MACROD2: variants seen among roughly 807,000 people sequenced by gnomAD.
The protein encoded by MACROD2 is ADP-ribose glycohydrolase MACROD2.
Under a neutral mutation model 70.4 loss-of-function variants are expected in MACROD2, and 36 were observed. The observed-to-expected ratio is 0.51, with a 90% CI of 0.39 to 0.68. MACROD2 has a LOEUF of 0.68. MACROD2 is among the 30% of genes least tolerant of loss of function. The pLI is 0.00. For missense variants in MACROD2, 496 were observed against 538.4 expected (o/e 0.92, Z 0.78); for synonymous variants, 172 against 178.8 (o/e 0.96, Z 0.30).
At chr20:15,998,027 T>A (rs2147497071) in intron 15 of MACROD2, among the ~76,000 whole-genome samples, 1 of 152,382 alleles carries the variant, frequency 6.6e-6, no homozygotes, top group Admixed American at 6.5e-5. Flanking sequence ...TGAACCATCC[T>A]TGAATTCCAG....
intron 8 of MACROD2, among the ~76,000 whole-genome samples, chr20:15,798,014 G>A (rs2063690722): frequency 6.6e-6 from 1 of 152,166 alleles, no homozygotes; most frequent in Admixed American, 6.5e-5. Context: ...AAATTTCAGT[G>A]CAAAAGCTGC....
chr20:14,216,314 G>GT (rs2081622188), intron 3 of MACROD2, among the ~76,000 whole-genome samples: 2 of 152,066 alleles, frequency 1.3e-5, no homozygotes, highest in Non-Finnish European at 2.9e-5. Flanking sequence ...TCACTTGGCT[G>GT]TAAGTATTTG....
At chr20:14,230,652 T>TA (rs1171919124) in intron 3 of MACROD2, among the ~76,000 whole-genome samples, 3 of 34,796 alleles carry the variant, frequency 8.6e-5, no homozygotes, top group Admixed American at 4.2e-4. Flanking sequence ...TATATATATA[T>TA]ATAACACAGG....
chr20:14,843,753 C>A (rs2073110609), intron 5 of MACROD2, among the ~76,000 whole-genome samples: 1 of 152,062 alleles, frequency 6.6e-6, no homozygotes, highest in Admixed American at 6.6e-5. Context: ...TACATTTGGC[C>A]CAAACTGGCT....
chr20:15,549,010 C>T (rs2048061112), intron 8 of MACROD2, among the ~76,000 whole-genome samples: 1 of 152,212 alleles, frequency 6.6e-6, no homozygotes, highest in African/African-American at 2.4e-5. Flanking sequence ...ACTTCATCCT[C>T]ATGAGAAACC....
At chr20:14,877,569 T>A (rs2073564547) in intron 5 of MACROD2, among the ~76,000 whole-genome samples, 1 of 152,148 alleles carries the variant, frequency 6.6e-6, no homozygotes, top group Non-Finnish European at 1.5e-5. Context: ...GCCCATTTAG[T>A]GTGACATTGG....
chr20:14,339,813 G>T (rs1250340780), intron 3 of MACROD2, among the ~76,000 whole-genome samples: 1 of 152,162 alleles, frequency 6.6e-6, no homozygotes, highest in African/African-American at 2.4e-5. Flanking sequence ...GAAAAGAAAA[G>T]AAATTGTGAA....
At chr20:15,045,104 A>C (rs753546247) in intron 5 of MACROD2, among the ~76,000 whole-genome samples, 19 of 152,136 alleles carry the variant, frequency 1.2e-4, no homozygotes, top group Admixed American at 6.6e-4. Context: ...TTCTAAGAGA[A>C]CCTAACAGTA....
At chr20:14,627,575 G>A (rs922670082) in intron 4 of MACROD2, among the ~76,000 whole-genome samples, 2 of 152,144 alleles carry the variant, frequency 1.3e-5, no homozygotes, top group African/African-American at 4.8e-5. Context: ...ACAAATCTCT[G>A]CCTCAGAGCC....
chr20:14,467,008 C>T (rs2084460021), intron 3 of MACROD2, among the ~76,000 whole-genome samples: 1 of 152,160 alleles, frequency 6.6e-6, no homozygotes, highest in South Asian at 2.1e-4. Flanking sequence ...GGCATTCTGC[C>T]CATTCTCAGA....
chr20:14,098,493 A>G (rs1444586252), intron 3 of MACROD2, among the ~76,000 whole-genome samples: 1 of 152,228 alleles, frequency 6.6e-6, no homozygotes, highest in Admixed American at 6.5e-5. Context: ...GATTGTATAG[A>G]TAACCATTTA....
rs933208980 is a variant in MACROD2, at chr20:14,443,006, G to C, written c.272-50473G>C. Among the ~76,000 whole-genome samples, 59 of 151,628 alleles carry C rather than the reference G, an allele frequency of 3.9e-4. 1 individual carries two copies. Among genetic ancestry groups the C allele is most frequent in the African/African-American group, 1.4e-3 (56 of 41,192 alleles). On this transcript the variant is annotated intron_variant, in intron 3 of 17. Coordinates refer to ENST00000684519, the MANE Select transcript of MACROD2 (RefSeq NM_001351661.2). ...AGACGGGAGAATGGCGTGAACCCGG[G>C]AGGCGGAGGTTGCAGTGAGCCGAGA...
At chr20:15,426,338 A>T (rs1037096036) in intron 6 of MACROD2, among the ~76,000 whole-genome samples, 5 of 151,944 alleles carry the variant, frequency 3.3e-5, no homozygotes, top group African/African-American at 1.2e-4. Flanking sequence ...TCTTAAGTCA[A>T]ATTTATTTTT....
chr20:14,947,322 G>T (rs2074440720), intron 5 of MACROD2, among the ~76,000 whole-genome samples: 1 of 152,178 alleles, frequency 6.6e-6, no homozygotes. Flanking sequence ...ACATTGGGAA[G>T]ACCAGCATGA....
intron 3 of MACROD2, among the ~76,000 whole-genome samples, chr20:14,158,278 T>G (rs1389394668): frequency 6.6e-6 from 1 of 152,212 alleles, no homozygotes; most frequent in Admixed American, 6.5e-5. Context: ...TGGGATTATT[T>G]GTGTTTCTCA....
chr20:14,985,416 A>G (rs2074839612), intron 5 of MACROD2, among the ~76,000 whole-genome samples: 1 of 152,144 alleles, frequency 6.6e-6, no homozygotes, highest in Non-Finnish European at 1.5e-5. Context: ...TTTCTAGTGG[A>G]GTGATCATTT....
At chr20:15,431,002 A>G (rs1001022073) in intron 6 of MACROD2, among the ~76,000 whole-genome samples, 3 of 152,018 alleles carry the variant, frequency 2.0e-5, no homozygotes, top group Admixed American at 2.0e-4. Flanking sequence ...ATTTTACCAT[A>G]CACATACGAC....
chr20:15,612,391 T>C (rs1480337833), intron 8 of MACROD2, among the ~76,000 whole-genome samples: 1 of 152,224 alleles, frequency 6.6e-6, no homozygotes, highest in African/African-American at 2.4e-5. Context: ...TCCTCACTTT[T>C]AGCTAACTTT....
intron 10 of MACROD2, among the ~76,000 whole-genome samples, chr20:15,890,389 G>A (rs1411252004): frequency 6.6e-6 from 1 of 152,142 alleles, no homozygotes; most frequent in Non-Finnish European, 1.5e-5. Context: ...AGTTGCAGAC[G>A]ACACATTGCA....
Sources: gnomAD v4.1 joint callset for allele counts (sites outside exome capture counted in the v4.1 genomes callset) on GRCh38, gnomAD v4.1.1 for gene constraint, MANE v1.5 for transcripts, NCBI Gene and HGNC (gene_info 2026-07-23, HGNC 2026-07-21) for gene names.